FHIT: variants seen among roughly 807,000 people sequenced by gnomAD.
FHIT encodes the protein bis(5'-adenosyl)-triphosphatase.
FHIT carries 19 observed loss-of-function variants against 17.9 expected under a neutral mutation model. The ratio of observed to expected loss-of-function variants is 1.06; its 90% CI spans 0.74 to 1.56. FHIT has a LOEUF of 1.56. Ranked by LOEUF, FHIT falls within the 40% of genes most tolerant of loss-of-function variation. FHIT has a pLI of 0.00. For missense variants in FHIT, 248 were observed against 189.2 expected, an observed-to-expected ratio of 1.31 and a Z score of -1.82; for synonymous variants, 81 against 69.7, an observed-to-expected ratio of 1.16 and a Z score of -0.81.
intron 2 of FHIT, among the ~76,000 whole-genome samples, chr3:61,069,404 G>A (rs940144782): frequency 6.6e-6 from 1 of 152,094 alleles, no homozygotes; most frequent in African/African-American, 2.4e-5. Context: ...ATTGCTCTGG[G>A]GCATGTCTTG....
chr3:60,150,867 C>T (rs1478826797), intron 5 of FHIT, among the ~76,000 whole-genome samples: 2 of 150,996 alleles, frequency 1.3e-5, no homozygotes, highest in African/African-American at 4.9e-5. Flanking sequence ...TGCAGTGAGC[C>T]GAGATTGTGC....
At chr3:60,163,634 G>C (rs986174688) in intron 5 of FHIT, among the ~76,000 whole-genome samples, 7 of 152,228 alleles carry the variant, frequency 4.6e-5, no homozygotes, top group African/African-American at 1.7e-4. Flanking sequence ...TCCCTGGCCA[G>C]GCCAGATTTC....
chr3:60,121,651 T>G (rs1576147118), intron 5 of FHIT, among the ~76,000 whole-genome samples: 1 of 151,414 alleles, frequency 6.6e-6, no homozygotes, highest in Non-Finnish European at 1.5e-5. Context: ...GCCATTGCAC[T>G]CCAGCCTGTG....
At chr3:60,210,922 C>G (rs945489079) in intron 5 of FHIT, among the ~76,000 whole-genome samples, 12 of 151,522 alleles carry the variant, frequency 7.9e-5, no homozygotes, top group African/African-American at 2.7e-4. Context: ...GACACACTAG[C>G]AAAGATAAAA....
Position 61,200,610 on chromosome 3 carries a change from C to T in FHIT, c.-164+7G>A, listed in dbSNP as rs2038982519. 2 of 152,596 alleles carry T rather than the reference C, an allele frequency of 1.3e-5. No individual in the cohort carries two copies. The highest frequency in any genetic ancestry group is 4.8e-5 in the African/African-American group (2 of 41,434). 9.5% of individuals were successfully genotyped at this position (152,596 alleles called of 1,614,324 possible). The stretch of plus-strand genomic sequence containing the variant: ...GTTTGTCAAGGCCATGTAATAAATA[C>T]ACTTACCTTTACAGACTGTTCTCAG... On this transcript the variant is annotated splice_region_variant and intron_variant, in intron 2 of 9. Transcript: ENST00000492590.
intron 3 of FHIT, among the ~76,000 whole-genome samples, chr3:60,853,585 G>T (rs782225342): frequency 6.6e-6 from 1 of 151,946 alleles, no homozygotes; most frequent in African/African-American, 2.4e-5. Flanking sequence ...CTCTTCTGAG[G>T]GATAATAAAT....
intron 4 of FHIT, among the ~76,000 whole-genome samples, chr3:60,756,411 A>C (rs1190614602): frequency 2.0e-5 from 3 of 152,230 alleles, no homozygotes; most frequent in Non-Finnish European, 4.4e-5. Flanking sequence ...TACGATGCCA[A>C]ACGAAAAGCC....
At chr3:59,776,872 A>G (rs1286742588) in intron 8 of FHIT, among the ~76,000 whole-genome samples, 3 of 152,324 alleles carry the variant, frequency 2.0e-5, no homozygotes, top group Middle Eastern at 3.4e-3. Context: ...CCCAGTAAGT[A>G]GCAGAATTTA....
chr3:59,954,221 G>GTTTTTTTTTTTTT (rs5849313), intron 7 of FHIT, among the ~76,000 whole-genome samples: 1 of 120,976 alleles, frequency 8.3e-6, no homozygotes, highest in Non-Finnish European at 1.7e-5. Flanking sequence ...ATTTTGTTCT[G>GTTTTTTTTTTTTT]TTTTTTTTTC....
chr3:60,798,086 A>C (rs1440458999), intron 4 of FHIT, among the ~76,000 whole-genome samples: 1 of 152,346 alleles, frequency 6.6e-6, no homozygotes, highest in East Asian at 1.9e-4. Context: ...GGGCTGTTAC[A>C]ACGACTCTTC....
chr3:60,690,163 G>A (rs1553699254), intron 4 of FHIT: 2 of 445,860 alleles, frequency 4.5e-6, no homozygotes, highest in East Asian at 5.0e-5. Flanking sequence ...GGGTGGAGGG[G>A]TGCTCCCCTG....
At chr3:60,399,225 C>T (rs1231183940) in intron 5 of FHIT, among the ~76,000 whole-genome samples, 1 of 152,154 alleles carries the variant, frequency 6.6e-6, no homozygotes, top group African/African-American at 2.4e-5. Flanking sequence ...AAGGGTTTTT[C>T]TGCAGAAGTT....
chr3:60,920,819 A>G (rs1455546269), intron 3 of FHIT, among the ~76,000 whole-genome samples: 1 of 152,220 alleles, frequency 6.6e-6, no homozygotes, highest in African/African-American at 2.4e-5. Context: ...GCATGATCCC[A>G]TGATCGGATT....
chr3:59,884,492 G>T (rs1298172868), intron 8 of FHIT, among the ~76,000 whole-genome samples: 2 of 152,110 alleles, frequency 1.3e-5, no homozygotes, highest in Non-Finnish European at 2.9e-5. Context: ...CTTTTCTAGG[G>T]ACAACTTTAT....
chr3:61,212,041 C>A (rs1213499834), intron 1 of FHIT, among the ~76,000 whole-genome samples: 2 of 152,232 alleles, frequency 1.3e-5, no homozygotes, highest in South Asian at 2.1e-4. Flanking sequence ...GATAAAACCA[C>A]AAAGATGGGA....
chr3:61,044,451 T>C (rs1575901877), intron 2 of FHIT, among the ~76,000 whole-genome samples: 1 of 152,046 alleles, frequency 6.6e-6, no homozygotes, highest in African/African-American at 2.4e-5. Flanking sequence ...TAAAAAGAGA[T>C]GAACAAAGCC....
rs116821633 is a variant in FHIT, at chr3:60,525,219, G to T, written c.103+11641C>A. On this transcript the variant is annotated intron_variant, in intron 5 of 9. Transcript: ENST00000492590. ...ACATTGATACTTTGTTGGCTTAAGA[G>T]CATGCCAAATTTAGATTAGAAATGA... 1.8e-3 allele frequency among the ~76,000 whole-genome samples: 271 copies of T among 152,252 alleles called. 2 individuals carry two copies. The highest frequency in any genetic ancestry group is 0.01 in the Middle Eastern group (3 of 294).
intron 5 of FHIT, among the ~76,000 whole-genome samples, chr3:60,176,662 T>C (rs1701687369): frequency 1.3e-5 from 2 of 152,174 alleles, no homozygotes; most frequent in Admixed American, 6.5e-5. Flanking sequence ...CATCGAGGGC[T>C]GAAATGTCCC....
At chr3:60,290,314 C>G (rs943233087) in intron 5 of FHIT, among the ~76,000 whole-genome samples, 12 of 152,182 alleles carry the variant, frequency 7.9e-5, no homozygotes, top group African/African-American at 2.9e-4. Context: ...TCTTCTCTCA[C>G]TTTGAATGTG....
Sources: gnomAD v4.1 joint callset for allele counts (sites outside exome capture counted in the v4.1 genomes callset) on GRCh38, gnomAD v4.1.1 for gene constraint, MANE v1.5 for transcripts, NCBI Gene and HGNC (gene_info 2026-07-23, HGNC 2026-07-21) for gene names.